The following ABCA10 variants were observed in gnomAD, a reference collection of about 807,000 sequenced individuals.
The protein encoded by ABCA10 is ATP-binding cassette sub-family A member 10.
A neutral mutation model predicts 187.5 loss-of-function variants in ABCA10; 169 were observed. The ratio of observed to expected loss-of-function variants is 0.90; its 90% CI spans 0.80 to 1.02. The LOEUF (loss-of-function observed/expected upper bound fraction) is 1.02, where lower values mean the gene tolerates loss of function less well. ABCA10 is among the 50% of genes least tolerant of loss of function. The pLI is 0.00. For missense variants in ABCA10, 1,727 were observed against 1,812.4 expected (o/e 0.95, Z 0.86); for synonymous variants, 574 against 601.8 (o/e 0.95, Z 0.68).
intron 6 of ABCA10, among the ~76,000 whole-genome samples, chr17:69,219,206 C>T (rs1156531432): frequency 6.6e-6 from 1 of 152,130 alleles, no homozygotes; most frequent in Non-Finnish European, 1.5e-5. Flanking sequence ...TGAATCCAAG[C>T]CTGGCCAAGC....
In ABCA10 at chr17:69,222,794, G is replaced by A. The variant is rs1382236146; in HGVS notation, c.35-97C>T. ...GTTGCTTGTTTTATATAAAATTAGT[G>A]GTATTATATATTATTTCTGGATAGC... On this transcript the variant is annotated intron_variant, in intron 3 of 38. Transcript: ENST00000690296. The A allele has an allele frequency of 3.5e-6, 4 of 1,127,464 alleles. No individual in the cohort carries two copies. In the East Asian group the frequency reaches 8.8e-5, roughly 25 times the overall value. The allele number at this position is 1,127,464 out of a possible 1,614,324, so 69.8% of individuals were successfully genotyped here. A position where few individuals can be genotyped will look rare whatever the true frequency, so the allele number is the denominator to read the frequency against.
chr17:69,206,461 T>C (rs528077390), intron 9 of ABCA10, among the ~76,000 whole-genome samples: 4 of 152,168 alleles, frequency 2.6e-5, no homozygotes, highest in East Asian at 1.9e-4. Flanking sequence ...CACCTGAGTG[T>C]AGTAGATCAG....
chr17:69,153,629 T>C, intron 32 of ABCA10, 83 bp from the exon 33 acceptor site: 2 of 1,519,454 alleles, frequency 1.3e-6, no homozygotes, highest in Non-Finnish European at 1.8e-6. Context: ...CTAAGCACTA[T>C]TATTCTAGAT....
intron 9 of ABCA10, among the ~76,000 whole-genome samples, chr17:69,209,254 A>G (rs1229987858): frequency 6.6e-6 from 1 of 152,368 alleles, no homozygotes; most frequent in East Asian, 1.9e-4. Context: ...ACATGTTAAG[A>G]TAATTTTATG....
chr17:69,161,027 T>C (rs2074213817), intron 27 of ABCA10, among the ~76,000 whole-genome samples: 1 of 152,184 alleles, frequency 6.6e-6, no homozygotes, highest in South Asian at 2.1e-4. Flanking sequence ...AATGAATAGA[T>C]TTTTTAAATT....
intron 27 of ABCA10, among the ~76,000 whole-genome samples, chr17:69,162,083 A>T (rs535786937): frequency 6.6e-6 from 1 of 152,210 alleles, no homozygotes; most frequent in South Asian, 2.1e-4. Context: ...CATAATTCCG[A>T]TTGAAAAATT....
rs770886680 is a variant in ABCA10, at chr17:69,155,826, G to A, written c.3555C>T (p.Leu1185=). ...QAERVQAANA[L]TAPNLEEEPV... ...TCACCTCCTCCAAGTTTGGAGCAGT[G>A]AGTGCATTTGCTGCTTGGACTCTTT... Residue 1185 remains leucine (L), a synonymous_variant, in exon 29 of 39, where the codon CTC becomes CTT. Coordinates refer to ENST00000690296, the MANE Select transcript of ABCA10 (RefSeq NM_001377321.1). The A allele has an allele frequency of 1.2e-6, 2 of 1,613,696 alleles. No homozygotes were observed. The highest frequency in any genetic ancestry group is 1.7e-6 in the Non-Finnish European group (2 of 1,179,718).
At position 69,211,354 on chromosome 17, in the gene ABCA10, TATATATAC is replaced by T. The variant is rs1467145989; in HGVS notation, c.1006+3342_1006+3349del. Among the ~76,000 whole-genome samples the T allele has an allele frequency of 2.9e-3, 70 of 24,532 alleles. 1 individual carries two copies. Among genetic ancestry groups the T allele is most frequent in the African/African-American group, 8.0e-3 (59 of 7,352 alleles). The allele number at this position is 24,532 out of a possible 152,430, so 16.1% of individuals were successfully genotyped here. A position where few individuals can be genotyped will look rare whatever the true frequency, so the allele number is the denominator to read the frequency against. On this transcript the variant is annotated intron_variant, in intron 9 of 38. Transcript: ENST00000690296. ...ATATATATATATATATATATATATATATATATACACACACACCACATTTTCTTTATCCA... is the reference window on the plus strand; with the variant it reads ...ATATATATATATATATATATATATATACACACACCACATTTTCTTTATCCA...
intron 9 of ABCA10, among the ~76,000 whole-genome samples, chr17:69,206,961 G>C (rs1461387641): frequency 1.3e-5 from 2 of 152,072 alleles, no homozygotes; most frequent in African/African-American, 4.8e-5. Context: ...GCCAGGAAAG[G>C]AATCAACAGA....
At chr17:69,239,801 G>A (rs1170375150) in intron 1 of ABCA10, among the ~76,000 whole-genome samples, 1 of 152,174 alleles carries the variant, frequency 6.6e-6, no homozygotes, top group Non-Finnish European at 1.5e-5. Flanking sequence ...ACCTCTAGCT[G>A]TATAGTGACG....
chr17:69,221,876 A>G lies in ABCA10; in HGVS notation c.219T>C (p.His73=). ...TTGCCAAGTAACAAAAAATTTCACC[A>G]TGCATGGCCCAACAGTGTTCTTTAA... ...SEYTEHCWAM[H]GEIFCYLAKY... Residue 73 remains histidine (H), a synonymous_variant, in exon 5 of 39, where the codon CAT becomes CAC. Transcript: ENST00000690296. 1.2e-6 allele frequency: 2 copies of G among 1,613,054 alleles called. No individual in the cohort carries two copies. The highest frequency in any genetic ancestry group is 1.7e-6 in the Non-Finnish European group (2 of 1,179,478).
At chr17:69,190,861 T>C (rs943063561) in intron 17 of ABCA10, among the ~76,000 whole-genome samples, 2 of 151,876 alleles carry the variant, frequency 1.3e-5, no homozygotes, top group Non-Finnish European at 2.9e-5. Context: ...ATTGAACTGC[T>C]TACATATATT....
At chr17:69,158,491 A>G (rs1158413087) in intron 27 of ABCA10, among the ~76,000 whole-genome samples, 1 of 151,920 alleles carries the variant, frequency 6.6e-6, no homozygotes, top group Non-Finnish European at 1.5e-5. Flanking sequence ...ATAAATACAT[A>G]AATAAATGTA....
chr17:69,192,447 C>CA, intron 16 of ABCA10, 116 bp downstream of exon 16: 1 of 857,938 alleles, frequency 1.2e-6, no homozygotes, highest in South Asian at 1.9e-5. Flanking sequence ...CTGTTTATTG[C>CA]AAAACAGTTT....
Position 69,194,437 on chromosome 17 carries a change from A to G in ABCA10, c.1293T>C (p.Ala431=), listed in dbSNP as rs1356629049. Reference sequence around the variant, plus strand: ...GAATGTTTAGCAGTGTTGATTTACCAGCTCCATTATGCCCAAGTATTGCAG... The same window carrying G: ...GAATGTTTAGCAGTGTTGATTTACCGGCTCCATTATGCCCAAGTATTGCAG... ...QITAILGHNG[A]GKSTLLNILS... is the part of the protein sequence containing the mutation. The change falls in exon 12 of 39, where the codon GCT becomes GCC. Residue 431 remains alanine, a synonymous_variant. Coordinates refer to ENST00000690296, the MANE Select transcript of ABCA10 (RefSeq NM_001377321.1). 2 of 1,613,376 alleles carry G rather than the reference A, an allele frequency of 1.2e-6. No homozygotes were observed. Among genetic ancestry groups the G allele is most frequent in the Admixed American group, 1.7e-5 (1 of 60,002 alleles).
At position 69,216,343 on chromosome 17, in the gene ABCA10, C is replaced by A; in HGVS notation, c.546G>T (p.Leu182Phe). The change falls in exon 7 of 39, where the codon TTG becomes TTT. Residue 182 changes from leucine to phenylalanine, a missense_variant. Physicochemically the swap from Leu to Phe is conservative, Grantham distance 22 (BLOSUM62 0). Transcript: ENST00000690296. ...TAATGAAGATGAAGCAAATGTATGT[C>A]AATCCCCAGGAGAGCCTATAGTAGA... The part of the protein sequence containing the change: ...RESAFWLSWG[L>F]TYICFIFIMS... The A allele has an allele frequency of 6.2e-7, 1 of 1,612,208 alleles. No homozygotes were observed. The highest frequency in any genetic ancestry group is 1.1e-5 in the South Asian group (1 of 90,598).
At chr17:69,195,341 C>A (rs890078130) in intron 11 of ABCA10, among the ~76,000 whole-genome samples, 3 of 151,898 alleles carry the variant, frequency 2.0e-5, no homozygotes, top group Non-Finnish European at 4.4e-5. Context: ...CCGGTATAAA[C>A]AGTGTATTCC....
rs375468801 is a variant in ABCA10, at chr17:69,222,658, T to C, written c.74A>G (p.Asp25Gly). The C allele has an allele frequency of 3.7e-5, 59 of 1,596,294 alleles. No homozygotes were observed. The highest frequency in any genetic ancestry group is 1.7e-4 in the Middle Eastern group (1 of 6,030). The change falls in exon 4 of 39, where the codon GAT becomes GGT. Residue 25 changes from aspartate to glycine, a missense_variant. Transcript: ENST00000690296. Reference protein sequence around the residue: ...VIGTPDEETMDIELPKKYHEM... With the variant: ...VIGTPDEETMGIELPKKYHEM... Reference sequence around the variant, plus strand: ...ATGGTATTTTTTTGGAAGTTCTATATCCATGGTCTCTTCATCTGGTGTCCC... The same window carrying C: ...ATGGTATTTTTTTGGAAGTTCTATACCCATGGTCTCTTCATCTGGTGTCCC...
At chr17:69,242,598 G>T (rs1006523126) in intron 1 of ABCA10, among the ~76,000 whole-genome samples, 2 of 152,082 alleles carry the variant, frequency 1.3e-5, no homozygotes, top group Admixed American at 1.3e-4. Flanking sequence ...CCAACTAACT[G>T]GGATTACAGG....
Sources: gnomAD v4.1 joint callset for allele counts (sites outside exome capture counted in the v4.1 genomes callset) on GRCh38, gnomAD v4.1.1 for gene constraint, MANE v1.5 for transcripts, NCBI Gene and HGNC (gene_info 2026-07-23, HGNC 2026-07-21) for gene names.